CDH20: variants seen among roughly 807,000 people sequenced by gnomAD.
CDH20 encodes cadherin 20.
In CDH20, 29 loss-of-function variants were observed where a neutral mutation model predicts 74.2. The ratio of observed to expected loss-of-function variants is 0.39; its 90% CI spans 0.29 to 0.53. The LOEUF (loss-of-function observed/expected upper bound fraction) is 0.53. CDH20 is among the 20% of genes least tolerant of loss of function. The pLI is 0.69. For missense variants in CDH20, 988 were observed against 1,048.3 expected (o/e 0.94, Z 0.79); for synonymous variants, 469 against 405.4 (o/e 1.16, Z -1.88).
intron 1 of CDH20, among the ~76,000 whole-genome samples, chr18:61,430,857 T>G (rs1913229892): frequency 6.6e-6 from 1 of 152,184 alleles, no homozygotes; most frequent in Admixed American, 6.5e-5. Context: ...GGGTGTTTCC[T>G]GCCCCAATCC....
intron 1 of CDH20, among the ~76,000 whole-genome samples, chr18:61,477,239 T>C (rs1204192286): frequency 6.6e-6 from 1 of 152,122 alleles, no homozygotes; most frequent in African/African-American, 2.4e-5. Context: ...CAAGACCCAG[T>C]GGTACTAAGG....
intron 9 of CDH20, among the ~76,000 whole-genome samples, chr18:61,543,263 G>T (rs1262678152): frequency 1.3e-5 from 2 of 152,144 alleles, no homozygotes; most frequent in Non-Finnish European, 2.9e-5. Flanking sequence ...AGCAAGCCCA[G>T]CTGGGACCTC....
intron 6 of CDH20, among the ~76,000 whole-genome samples, chr18:61,517,061 A>T (rs1315812964): frequency 6.6e-6 from 1 of 152,212 alleles, no homozygotes; most frequent in Non-Finnish European, 1.5e-5. Context: ...TTGCAAAAAA[A>T]ATAAAGAAAT....
At chr18:61,543,761 TTAACC>T (rs1215329412) in intron 9 of CDH20, among the ~76,000 whole-genome samples, 4 of 152,180 alleles carry the variant, frequency 2.6e-5, no homozygotes, top group Admixed American at 1.3e-4. Context: ...CTGTTTTCTG[TTAACC>T]TGACATGGCC....
At chr18:61,383,772 T>C (rs1046986767) in intron 1 of CDH20, among the ~76,000 whole-genome samples, 5 of 152,146 alleles carry the variant, frequency 3.3e-5, no homozygotes, top group Non-Finnish European at 4.4e-5. Context: ...TGTTTTTCCA[T>C]GCCTCCAGAA....
chr18:61,372,135 T>C (rs1365253928), intron 1 of CDH20, among the ~76,000 whole-genome samples: 1 of 152,090 alleles, frequency 6.6e-6, no homozygotes, highest in African/African-American at 2.4e-5. Context: ...TAAAAGTTAT[T>C]TTTAAAGTTT....
intron 1 of CDH20, among the ~76,000 whole-genome samples, chr18:61,443,260 A>G (rs944409330): frequency 6.6e-6 from 1 of 152,088 alleles, no homozygotes; most frequent in African/African-American, 2.4e-5. Flanking sequence ...AACTGGGCCA[A>G]ACATGTCCCT....
chr18:61,453,933 T>C (rs1190206091), intron 1 of CDH20, among the ~76,000 whole-genome samples: 1 of 152,204 alleles, frequency 6.6e-6, no homozygotes, highest in African/African-American at 2.4e-5. Context: ...CAGCAATGTA[T>C]GAGTAACATA....
At chr18:61,362,098 C>A (rs973974253) in intron 1 of CDH20, among the ~76,000 whole-genome samples, 12 of 152,122 alleles carry the variant, frequency 7.9e-5, no homozygotes, top group Non-Finnish European at 1.5e-4. Context: ...AGCCCATAAA[C>A]CCACTTACTC....
At chr18:61,444,515 A>G (rs1909137519) in intron 1 of CDH20, among the ~76,000 whole-genome samples, 1 of 152,186 alleles carries the variant, frequency 6.6e-6, no homozygotes, top group Admixed American at 6.5e-5. Context: ...AAAAGTTGGT[A>G]AATGGAGGTT....
chr18:61,338,119 G>C (rs1050368475), intron 1 of CDH20, among the ~76,000 whole-genome samples: 1 of 152,094 alleles, frequency 6.6e-6, no homozygotes, highest in Non-Finnish European at 1.5e-5. Flanking sequence ...CAAATCAAAA[G>C]GGATTGCAAA....
intron 1 of CDH20, among the ~76,000 whole-genome samples, chr18:61,442,686 G>A (rs756154955): frequency 6.6e-6 from 1 of 152,188 alleles, no homozygotes; most frequent in Non-Finnish European, 1.5e-5. Context: ...TGTAAAATTT[G>A]TAAGGATTAG....
intron 2 of CDH20, among the ~76,000 whole-genome samples, chr18:61,493,355 C>T (rs981980274): frequency 1.3e-5 from 2 of 152,182 alleles, no homozygotes; most frequent in Admixed American, 6.5e-5. Flanking sequence ...CCCATCCCTC[C>T]TCCAGGATGC....
intron 1 of CDH20, among the ~76,000 whole-genome samples, chr18:61,462,723 A>AGGG (rs770273987): frequency 2.3e-5 from 3 of 128,516 alleles, no homozygotes; most frequent in African/African-American, 2.9e-5. Context: ...CAAAAAAAAA[A>AGGG]AGGGGGGGGG....
At chr18:61,444,085 G>A (rs1909119485) in intron 1 of CDH20, among the ~76,000 whole-genome samples, 2 of 152,146 alleles carry the variant, frequency 1.3e-5, no homozygotes, top group South Asian at 4.2e-4. Flanking sequence ...AGCTAGTCAA[G>A]GTATATTGCA....
At chr18:61,432,137 A>G (rs1056763237) in intron 1 of CDH20, among the ~76,000 whole-genome samples, 2 of 151,128 alleles carry the variant, frequency 1.3e-5, no homozygotes, top group Admixed American at 6.6e-5. Flanking sequence ...AATCCCAGCT[A>G]CTCGAGAGAC....
At chr18:61,474,622 CGTT>C (rs1910302558) in intron 1 of CDH20, among the ~76,000 whole-genome samples, 1 of 152,106 alleles carries the variant, frequency 6.6e-6, no homozygotes, top group African/African-American at 2.4e-5. Flanking sequence ...ATTGCTGAAT[CGTT>C]GTTCACTTTT....
chr18:61,500,368 T>C lies in CDH20; in HGVS notation c.542-15T>C. ...TATTAGACTTGAACAGGTTTCTACC[T>C]CTTCTCTTCCCCAGGTACCTCCGTC... On this transcript the variant is annotated splice_polypyrimidine_tract_variant and intron_variant, in intron 3 of 11. Coordinates refer to ENST00000262717, the MANE Select transcript of CDH20 (RefSeq NM_031891.4). 4 of 1,610,896 alleles carry C rather than the reference T, an allele frequency of 2.5e-6. No individual in the cohort carries two copies. Among genetic ancestry groups the C allele is most frequent in the Non-Finnish European group, 3.4e-6 (4 of 1,178,082 alleles).
chr18:61,498,958 G>A (rs56409744), intron 2 of CDH20, among the ~76,000 whole-genome samples: 163 of 152,258 alleles, frequency 1.1e-3, no homozygotes, highest in African/African-American at 3.9e-3. Flanking sequence ...ATAATGGTAA[G>A]TTCAGGATAC....
Sources: allele counts gnomAD v4.1 joint callset (sites outside exome capture counted in the v4.1 genomes callset), GRCh38; gene constraint gnomAD v4.1.1; transcripts MANE v1.5; gene names NCBI Gene and HGNC (gene_info 2026-07-23, HGNC 2026-07-21).